Variants in CAPN8 observed in about 807,000 individuals in gnomAD.
CAPN8 encodes calpain-8.
A neutral mutation model predicts 80.9 loss-of-function variants in CAPN8; 87 were observed. The ratio of observed to expected loss-of-function variants is 1.07; its 90% CI spans 0.90 to 1.28. The LOEUF (loss-of-function observed/expected upper bound fraction) is 1.28. CAPN8 is among the 50% of genes most tolerant of loss of function. The pLI is 0.00. For missense variants in CAPN8, 757 were observed against 702.0 expected, an observed-to-expected ratio of 1.08 and a Z score of -0.89; for synonymous variants, 299 against 273.8, an observed-to-expected ratio of 1.09 and a Z score of -0.91.
At chr1:223,627,371 C>T (rs1369141717) in intron 4 of CAPN8, among the ~76,000 whole-genome samples, 3 of 152,186 alleles carry the variant, frequency 2.0e-5, no homozygotes, top group Admixed American at 2.0e-4. Context: ...AACCTCTCTC[C>T]AGCCACCCCC....
chr1:223,616,253 A>C, intron 9 of CAPN8, 108 bp from the exon 10 acceptor site: 86 of 1,248,522 alleles, frequency 6.9e-5, no homozygotes, highest in Non-Finnish European at 8.8e-5. Context: ...GCACAGCTCC[A>C]TCCAAACTGT....
At position 223,549,522 on chromosome 1, in the gene CAPN8, C is replaced by G. The variant is rs1050562033; in HGVS notation, c.1700-140G>C. ...GGTCTCTGCCAAAAGGGGAGAGCAT[C>G]ATGGCAGGCTTGTGGGCAGATACGC... On this transcript the variant is annotated intron_variant, in intron 15 of 20. Transcript: ENST00000366872. 2.3e-6 allele frequency: 3 copies of G among 1,319,764 alleles called. No homozygotes were observed. In the African/African-American group the frequency reaches 4.3e-5, roughly 19 times the overall value. 81.8% of individuals were successfully genotyped at this position (1,319,764 alleles called of 1,614,324 possible). A position where few individuals can be genotyped will look rare whatever the true frequency, so the allele number is the denominator to read the frequency against.
chr1:223,621,031 T>A (rs1164295891), intron 7 of CAPN8, among the ~76,000 whole-genome samples: 1 of 151,316 alleles, frequency 6.6e-6, no homozygotes, highest in African/African-American at 2.4e-5. Context: ...CTCCCCAGCA[T>A]AAGAGCTGGG....
At chr1:223,542,427 G>C (rs1656492852) in intron 20 of CAPN8, among the ~76,000 whole-genome samples, 2 of 152,226 alleles carry the variant, frequency 1.3e-5, no homozygotes, top group South Asian at 4.2e-4. Flanking sequence ...TGGGCTACAG[G>C]AAAGAGGTCA....
intron 2 of CAPN8, among the ~76,000 whole-genome samples, chr1:223,653,193 C>T (rs1571738978): frequency 6.6e-6 from 1 of 150,422 alleles, no homozygotes; most frequent in East Asian, 2.0e-4. Context: ...CACAAAAGCT[C>T]GGGAAATGGA....
chr1:223,620,628 C>T (rs777504744), intron 7 of CAPN8, among the ~76,000 whole-genome samples: 1 of 152,142 alleles, frequency 6.6e-6, no homozygotes, highest in Admixed American at 6.5e-5. Context: ...GATGAGTTCT[C>T]GTCACTGGAA....
chr1:223,625,015 C>T (rs1290228820), intron 6 of CAPN8, among the ~76,000 whole-genome samples: 1 of 152,174 alleles, frequency 6.6e-6, no homozygotes, highest in East Asian at 1.9e-4. Context: ...ATGGCGTGAA[C>T]CCGAGAGGCG....
At chr1:223,556,645 A>G (rs1443001965) in intron 13 of CAPN8, among the ~76,000 whole-genome samples, 2 of 152,166 alleles carry the variant, frequency 1.3e-5, no homozygotes, top group African/African-American at 2.4e-5. Flanking sequence ...CCCCAATATC[A>G]TGGGACGTGG....
In CAPN8 at chr1:223,649,578, G is replaced by C. The variant is rs558037151; in HGVS notation, c.307+4752C>G. 2.2e-3 allele frequency among the ~76,000 whole-genome samples: 333 copies of C among 152,314 alleles called. 3 individuals are homozygous for C. The highest frequency in any genetic ancestry group is 7.7e-3 in the African/African-American group (318 of 41,556). ...GACAGACATGCAGACAAGCTGGTTT[G>C]CATGAAATTCTGAAATCTTTTGAAA... On this transcript the variant is annotated intron_variant, in intron 2 of 20. Coordinates refer to ENST00000366872, the MANE Select transcript of CAPN8 (RefSeq NM_001143962.2).
intron 2 of CAPN8, among the ~76,000 whole-genome samples, chr1:223,648,592 T>C (rs1043110428): frequency 6.6e-6 from 1 of 152,150 alleles, no homozygotes; most frequent in African/African-American, 2.4e-5. Flanking sequence ...TGGGGGAGCG[T>C]GGACTCACAG....
intron 11 of CAPN8, among the ~76,000 whole-genome samples, chr1:223,610,371 G>A (rs935632909): frequency 7.9e-5 from 12 of 152,202 alleles, no homozygotes; most frequent in Middle Eastern, 3.4e-3. Flanking sequence ...CCACTAACCC[G>A]GCCACTAGGG....
At chr1:223,652,594 T>G (rs529855569) in intron 2 of CAPN8, among the ~76,000 whole-genome samples, 13 of 152,166 alleles carry the variant, frequency 8.5e-5, no homozygotes, top group Non-Finnish European at 1.8e-4. Flanking sequence ...CTCAGATCCC[T>G]CAGGCCACAG....
At chr1:223,641,366 T>TTTTA (rs1553338764) in intron 2 of CAPN8, among the ~76,000 whole-genome samples, 4 of 146,146 alleles carry the variant, frequency 2.7e-5, no homozygotes, top group African/African-American at 1.0e-4. Flanking sequence ...AGCCTTTTTT[T>TTTTA]AAAAAAAAAA....
chr1:223,547,166 C>T (rs1656645658), intron 16 of CAPN8, among the ~76,000 whole-genome samples: 2 of 152,152 alleles, frequency 1.3e-5, no homozygotes, highest in Non-Finnish European at 2.9e-5. Flanking sequence ...CCCACCAGTG[C>T]CACCCAAAGT....
chr1:223,653,607 C>G (rs1360298467), intron 2 of CAPN8, among the ~76,000 whole-genome samples: 3 of 152,048 alleles, frequency 2.0e-5, no homozygotes, highest in Non-Finnish European at 4.4e-5. Flanking sequence ...TTGGAAGCCC[C>G]TCAAATTCAA....
intron 7 of CAPN8, chr1:223,622,580 C>A: frequency 3.6e-6 from 2 of 548,254 alleles, no homozygotes; most frequent in Non-Finnish European, 6.4e-6. Flanking sequence ...CACAGAGCCG[C>A]CAAACTTTCA....
intron 2 of CAPN8, among the ~76,000 whole-genome samples, chr1:223,634,225 G>A (rs1255042787): frequency 2.6e-5 from 4 of 152,170 alleles, no homozygotes; most frequent in African/African-American, 9.7e-5. Context: ...GTGGACCTCT[G>A]GGTCAGGCAC....
rs1289891870 is a variant in CAPN8, at chr1:223,541,708, C to G, written c.*128G>C. 5 of 1,454,846 alleles carry G rather than the reference C, an allele frequency of 3.4e-6. No individual in the cohort carries two copies. The African/African-American group carries it at 7.0e-5, about 20-fold the overall frequency. 90.1% of individuals were successfully genotyped at this position (1,454,846 alleles called of 1,614,324 possible). On this transcript the variant is annotated 3_prime_UTR_variant, in exon 21 of 21. Coordinates refer to ENST00000366872, the MANE Select transcript of CAPN8 (RefSeq NM_001143962.2). ...ATAGCTCAGTGCTGCTGAAATAGAC[C>G]CAGGGCAAGAAAGGTATGAACAACC...
At chr1:223,542,919 A>G (rs1178193017) in intron 20 of CAPN8, among the ~76,000 whole-genome samples, 189 bp downstream of exon 20, 1 of 152,206 alleles carries the variant, frequency 6.6e-6, no homozygotes, top group African/African-American at 2.4e-5. Context: ...CATAATAATA[A>G]TAAACAAAAA....
Sources: gnomAD v4.1 joint callset for allele counts (sites outside exome capture counted in the v4.1 genomes callset) on GRCh38, gnomAD v4.1.1 for gene constraint, MANE v1.5 for transcripts, NCBI Gene and HGNC (gene_info 2026-07-23, HGNC 2026-07-21) for gene names.